NPAS3: variants seen among roughly 807,000 people sequenced by gnomAD.
NPAS3 encodes neuronal PAS domain-containing protein 3.
In NPAS3, 14 loss-of-function variants were observed where a neutral mutation model predicts 73.1. The ratio of observed to expected loss-of-function variants is 0.19; its 90% CI spans 0.13 to 0.30. The LOEUF (loss-of-function observed/expected upper bound fraction) is 0.30, where lower values mean the gene tolerates loss of function less well. NPAS3 is among the 10% of genes least tolerant of loss of function. The pLI, the probability that NPAS3 is intolerant of heterozygous loss-of-function variation, is 1.00. For missense variants in NPAS3, 1,096 were observed against 1,250.0 expected (o/e 0.88, Z 1.86); for synonymous variants, 620 against 541.5 (o/e 1.14, Z -2.01).
intron 2 of NPAS3, among the ~76,000 whole-genome samples, chr14:33,091,331 A>G (rs994858290): frequency 6.6e-6 from 1 of 152,240 alleles, no homozygotes; most frequent in Non-Finnish European, 1.5e-5. Context: ...CCACAGAAAT[A>G]CAAACTACCA....
At chr14:33,321,830 C>G (rs1375651335) in intron 3 of NPAS3, among the ~76,000 whole-genome samples, 1 of 152,012 alleles carries the variant, frequency 6.6e-6, no homozygotes, top group African/African-American at 2.4e-5. Flanking sequence ...ATGATATTGT[C>G]CAGTAACTGG....
chr14:33,328,854 G>A (rs776197595), intron 3 of NPAS3, among the ~76,000 whole-genome samples: 29 of 151,926 alleles, frequency 1.9e-4, no homozygotes, highest in South Asian at 6.2e-4. Flanking sequence ...TATATATTTC[G>A]CTTTATGGCT....
At chr14:33,654,243 TCA>T (rs1422952164) in intron 5 of NPAS3, among the ~76,000 whole-genome samples, 2 of 152,100 alleles carry the variant, frequency 1.3e-5, no homozygotes, top group African/African-American at 4.8e-5. Flanking sequence ...TCAATTAATC[TCA>T]GTTACATAAG....
intron 1 of NPAS3, among the ~76,000 whole-genome samples, chr14:32,953,302 C>A (rs1469572808): frequency 1.3e-5 from 2 of 152,104 alleles, no homozygotes; most frequent in African/African-American, 4.8e-5. Context: ...TGGACCCTTT[C>A]CCCCTCCTGC....
chr14:33,302,909 C>G (rs189443781), intron 3 of NPAS3, among the ~76,000 whole-genome samples: 1 of 150,530 alleles, frequency 6.6e-6, no homozygotes, highest in Admixed American at 6.6e-5. Context: ...AAGCCTCTCT[C>G]TCTTTTTTTT....
At chr14:33,428,813 T>A (rs146018911) in intron 4 of NPAS3, among the ~76,000 whole-genome samples, 94 of 152,248 alleles carry the variant, frequency 6.2e-4, no homozygotes, top group African/African-American at 2.2e-3. Flanking sequence ...AATCTTCTTT[T>A]CCAGGCTAGA....
chr14:33,333,106 A>G (rs1234470004), intron 3 of NPAS3, among the ~76,000 whole-genome samples: 1 of 152,192 alleles, frequency 6.6e-6, no homozygotes, highest in African/African-American at 2.4e-5. Flanking sequence ...AGAATGGGGC[A>G]TTGGTGGGTA....
At chr14:33,034,743 TTA>T (rs2040106072) in intron 1 of NPAS3, among the ~76,000 whole-genome samples, 1 of 152,088 alleles carries the variant, frequency 6.6e-6, no homozygotes, top group Non-Finnish European at 1.5e-5. Context: ...CAGTTACAGA[TTA>T]TAGTACTCTC....
chr14:33,423,774 A>G (rs1232829920), intron 4 of NPAS3, among the ~76,000 whole-genome samples: 3 of 152,058 alleles, frequency 2.0e-5, no homozygotes, highest in African/African-American at 7.2e-5. Context: ...GAAGGGTACT[A>G]TGGAAGTTTA....
chr14:33,706,845 C>G (rs1280049341), intron 6 of NPAS3, among the ~76,000 whole-genome samples: 1 of 152,170 alleles, frequency 6.6e-6, no homozygotes, highest in African/African-American at 2.4e-5. Context: ...CTGGCTCCGT[C>G]TCACGTCTTT....
rs182954658 is a variant in NPAS3 at position 33,721,949 on chromosome 14, G to A, written c.734-13265G>A. ...CTGATACTGATGGATTCATTCTCACGTCAGGTCGAATAATTGAAGACCCCA... is the reference window on the plus strand; with the variant it reads ...CTGATACTGATGGATTCATTCTCACATCAGGTCGAATAATTGAAGACCCCA... On this transcript the variant is annotated intron_variant, in intron 6 of 11. Coordinates refer to ENST00000356141, the Ensembl canonical transcript of NPAS3. Among the ~76,000 whole-genome samples, 290 of 152,256 alleles carry A rather than the reference G, an allele frequency of 1.9e-3. 2 individuals carry two copies. The highest frequency in any genetic ancestry group is 3.6e-3 in the Non-Finnish European group (248 of 68,012).
intron 2 of NPAS3, among the ~76,000 whole-genome samples, chr14:33,070,719 G>A (rs2041456814): frequency 6.6e-6 from 1 of 152,176 alleles, no homozygotes; most frequent in Non-Finnish European, 1.5e-5. Context: ...TTCTACACAT[G>A]GGCCTGTATT....
chr14:33,583,864 T>C (rs2139897450), intron 5 of NPAS3, among the ~76,000 whole-genome samples: 1 of 152,280 alleles, frequency 6.6e-6, no homozygotes, highest in South Asian at 2.1e-4. Context: ...GTTAGAAAAA[T>C]GTGGTAAGTT....
rs373482437 is a variant in NPAS3 at position 33,033,277 on chromosome 14, G to A, written c.51-22628G>A. Among the ~76,000 whole-genome samples, 16 of 152,134 alleles carry A rather than the reference G, an allele frequency of 1.1e-4. No individual in the cohort carries two copies. The East Asian group carries it at 2.7e-3, about 26-fold the overall frequency. ...GTGGATCACTTGACGTCAGGAGTTCGAGAACAGCCTGGCCAACATGGTGAA... is the reference window on the plus strand; with the variant it reads ...GTGGATCACTTGACGTCAGGAGTTCAAGAACAGCCTGGCCAACATGGTGAA... On this transcript the variant is annotated intron_variant, in intron 1 of 11. Transcript: ENST00000356141.
At chr14:33,526,818 G>C (rs1430571609) in intron 4 of NPAS3, among the ~76,000 whole-genome samples, 2 of 152,056 alleles carry the variant, frequency 1.3e-5, no homozygotes, top group African/African-American at 2.4e-5. Context: ...ACATCATTAA[G>C]GCCAGGCAGT....
intron 7 of NPAS3, among the ~76,000 whole-genome samples, chr14:33,750,601 C>CAGG (rs562074483): frequency 0.045 from 6,841 of 152,212 alleles, 257 homozygotes; most frequent in African/African-American, 0.1. Context: ...AAAGAGAAGT[C>CAGG]TAGTGTAACC....
At chr14:33,299,273 T>C (rs2042428098) in intron 3 of NPAS3, among the ~76,000 whole-genome samples, 1 of 152,202 alleles carries the variant, frequency 6.6e-6, no homozygotes, top group Non-Finnish European at 1.5e-5. Flanking sequence ...GGAAGAGTTA[T>C]TTCCATGGGA....
At chr14:33,790,948 A>G (rs925886162) in intron 9 of NPAS3, among the ~76,000 whole-genome samples, 1 of 152,198 alleles carries the variant, frequency 6.6e-6, no homozygotes, top group Admixed American at 6.5e-5. Context: ...GATTTCTTTT[A>G]CAAGATCTGT....
intron 4 of NPAS3, among the ~76,000 whole-genome samples, chr14:33,467,697 G>A (rs373352433): frequency 2.0e-5 from 3 of 152,146 alleles, no homozygotes; most frequent in Non-Finnish European, 2.9e-5. Context: ...ATGCTGCAGC[G>A]GTGACTTAGC....
Sources: allele counts gnomAD v4.1 joint callset (sites outside exome capture counted in the v4.1 genomes callset), GRCh38; gene constraint gnomAD v4.1.1; transcripts MANE v1.5; gene names NCBI Gene and HGNC (gene_info 2026-07-23, HGNC 2026-07-21).